PLA2G12A: variants seen among roughly 807,000 people sequenced by gnomAD.
The protein encoded by PLA2G12A is group XIIA secretory phospholipase A2.
In PLA2G12A, 11 loss-of-function variants were observed where a neutral mutation model predicts 16.0. The ratio of observed to expected loss-of-function variants is 0.69; its 90% CI spans 0.43 to 1.13. PLA2G12A has a LOEUF of 1.13. Among genes scored for constraint, PLA2G12A ranks in the 50% most tolerant of loss-of-function variants. PLA2G12A has a pLI of 0.00. For missense variants in PLA2G12A, 214 were observed against 237.3 expected (o/e 0.90, Z 0.65); for synonymous variants, 77 against 93.8 (o/e 0.82, Z 1.03).
rs1464598622 is a variant in PLA2G12A, at chr4:109,730,028, A to G, written c.-219T>C. 1.5e-5 allele frequency: 7 copies of G among 476,704 alleles called. No homozygotes were observed. Among genetic ancestry groups the G allele is most frequent in the Non-Finnish European group, 2.2e-5 (6 of 273,734 alleles). The allele number at this position is 476,704 out of a possible 1,614,324, so 29.5% of individuals were successfully genotyped here. A position where few individuals can be genotyped will look rare whatever the true frequency, so the allele number is the denominator to read the frequency against. On this transcript the variant is annotated 5_prime_UTR_variant, in exon 1 of 4. Coordinates refer to ENST00000243501, the MANE Select transcript of PLA2G12A (RefSeq NM_030821.5). ...CGCGGGGACGCGCCCGCTCACCTGG[A>G]CCAGCGCGCCCGCTCACCTGGGCCA...
Position 109,729,830 on chromosome 4 carries a change from C to G in PLA2G12A, c.-21G>C. 2 of 1,541,650 alleles carry G rather than the reference C, an allele frequency of 1.3e-6. No homozygotes were observed. Among genetic ancestry groups the G allele is most frequent in the Non-Finnish European group, 1.7e-6 (2 of 1,143,244 alleles). On this transcript the variant is annotated 5_prime_UTR_variant, in exon 1 of 4. Transcript: ENST00000243501. ...GCCATGCGCGCAGCGCCGGGCTCTA[C>G]GGGTCCCCGAGCCGCGGCGCGGGGC...
At chr4:109,720,616 T>A (rs1449425808) in intron 1 of PLA2G12A, among the ~76,000 whole-genome samples, 9 of 74,420 alleles carry the variant, frequency 1.2e-4, no homozygotes, top group East Asian at 4.2e-4. Context: ...TATATATATA[T>A]ATATATATAT....
chr4:109,719,844 G>A (rs999594662), intron 1 of PLA2G12A, among the ~76,000 whole-genome samples: 3 of 152,158 alleles, frequency 2.0e-5, no homozygotes, highest in Non-Finnish European at 4.4e-5. Flanking sequence ...TGGGAAATAT[G>A]GCACCGATAG....
chr4:109,717,517 A>G, intron 3 of PLA2G12A, 31 bp downstream of exon 3: 1 of 1,594,882 alleles, frequency 6.3e-7, no homozygotes, highest in South Asian at 1.1e-5. Context: ...TAAAAAGTAC[A>G]CTCATCCCCA....
chr4:109,719,497 G>A (rs1730884952), intron 1 of PLA2G12A, among the ~76,000 whole-genome samples: 1 of 152,148 alleles, frequency 6.6e-6, no homozygotes, highest in Non-Finnish European at 1.5e-5. Context: ...TTCCCCAGTA[G>A]CATCAAGGGT....
intron 3 of PLA2G12A, 45 bp from the exon 4 acceptor site, chr4:109,714,540 T>G (rs1453674159): frequency 1.6e-6 from 2 of 1,228,380 alleles, no homozygotes; most frequent in Non-Finnish European, 2.4e-6. Flanking sequence ...ACTGCATTGC[T>G]CTTTTCACCT....
chr4:109,720,829 G>A (rs1730927018), intron 1 of PLA2G12A, among the ~76,000 whole-genome samples: 1 of 151,780 alleles, frequency 6.6e-6, no homozygotes, highest in Non-Finnish European at 1.5e-5. Flanking sequence ...AGCACTTTGG[G>A]AGGCTGAGGC....
chr4:109,728,601 ACTT>A (rs1237239665), intron 1 of PLA2G12A, among the ~76,000 whole-genome samples: 1 of 152,218 alleles, frequency 6.6e-6, no homozygotes, highest in Admixed American at 6.5e-5. Context: ...TTCATCCTTT[ACTT>A]CTATTAACAT....
rs1163653650 is a variant in PLA2G12A at position 109,714,362 on chromosome 4, C to G, written c.*15G>C. On this transcript the variant is annotated 3_prime_UTR_variant, in exon 4 of 4. Coordinates refer to ENST00000243501, the MANE Select transcript of PLA2G12A (RefSeq NM_030821.5). ...TTCTTCCATCTTCATCTGTCACTAGCTGTCGGCATCTCCTTTAAAGATCAG... is the reference window on the plus strand; with the variant it reads ...TTCTTCCATCTTCATCTGTCACTAGGTGTCGGCATCTCCTTTAAAGATCAG... 37 of 1,493,810 alleles carry G rather than the reference C, an allele frequency of 2.5e-5. No individual in the cohort carries two copies. Among genetic ancestry groups the G allele is most frequent in the Non-Finnish European group, 3.4e-5 (36 of 1,070,592 alleles). 92.5% of individuals were successfully genotyped at this position (1,493,810 alleles called of 1,614,324 possible).
At chr4:109,717,355 C>T (rs1445667795) in intron 3 of PLA2G12A, among the ~76,000 whole-genome samples, 193 bp downstream of exon 3, 1 of 152,178 alleles carries the variant, frequency 6.6e-6, no homozygotes, top group African/African-American at 2.4e-5. Flanking sequence ...TTTCCTAATG[C>T]TTTTTGCTTC....
At chr4:109,728,111 G>A (rs1215168675) in intron 1 of PLA2G12A, among the ~76,000 whole-genome samples, 1 of 152,190 alleles carries the variant, frequency 6.6e-6, no homozygotes, top group African/African-American at 2.4e-5. Flanking sequence ...ACCACGTGCA[G>A]ATTTCTTCTC....
At chr4:109,726,842 G>A (rs1406609915) in intron 1 of PLA2G12A, among the ~76,000 whole-genome samples, 3 of 151,882 alleles carry the variant, frequency 2.0e-5, no homozygotes, top group African/African-American at 7.3e-5. Flanking sequence ...CCAAAACTAA[G>A]GGAGCAAGTC....
intron 2 of PLA2G12A, 61 bp downstream of exon 2, chr4:109,718,622 C>T: frequency 7.8e-7 from 1 of 1,281,028 alleles, no homozygotes; most frequent in African/African-American, 1.5e-5. Flanking sequence ...AGTCTTATAT[C>T]ACCAAAAGTA....
At position 109,717,568 on chromosome 4, in the gene PLA2G12A, C is replaced by A. The variant is rs1692262498; in HGVS notation, c.431G>T (p.Gly144Val). The change falls in exon 3 of 4, where the codon GGA becomes GTA. Residue 144 changes from glycine (G) to valine (V), a missense_variant. Transcript: ENST00000243501. The part of the protein sequence containing the change: ...KICRDVQKTL[G>V]LTQHVQACET... ...CTTACCCTGAACATGCTGAGTTAGT[C>A]CTAGTGTTTTCTGTACATCTCGGCA... 17 of 1,613,826 alleles carry A rather than the reference C, an allele frequency of 1.1e-5. No homozygotes were observed. The highest frequency in any genetic ancestry group is 1.4e-5 in the Non-Finnish European group (16 of 1,179,756).
At chr4:109,722,874 T>A (rs1188373372) in intron 1 of PLA2G12A, among the ~76,000 whole-genome samples, 1 of 152,260 alleles carries the variant, frequency 6.6e-6, no homozygotes, top group East Asian at 1.9e-4. Flanking sequence ...GAACAGTGCC[T>A]GGAATAACTT....
At chr4:109,729,478 G>GT in intron 1 of PLA2G12A, 124 bp downstream of exon 1, 1 of 1,094,008 alleles carries the variant, frequency 9.1e-7, no homozygotes. Flanking sequence ...CAGTGGTTAA[G>GT]TTTTTCCACA....
rs749372500 is a variant in PLA2G12A, at chr4:109,729,687, G to A, written c.123C>T (p.Gly41=). 18 of 1,611,424 alleles carry A rather than the reference G, an allele frequency of 1.1e-5. No individual in the cohort carries two copies. The highest frequency in any genetic ancestry group is 1.5e-5 in the Non-Finnish European group (18 of 1,179,622). The part of the protein sequence containing the change: ...WRATLKTIRN[G]VHKIDTYLNA... ...TCAGGTACGTGTCTATCTTATGAACGCCGTTCCGGATGGTCTTCAGGGTGG... is the reference window on the plus strand; with the variant it reads ...TCAGGTACGTGTCTATCTTATGAACACCGTTCCGGATGGTCTTCAGGGTGG... The change falls in exon 1 of 4, where the codon GGC becomes GGT. Residue 41 remains glycine (G), a synonymous_variant. Transcript: ENST00000243501.
rs571409156 is a variant in PLA2G12A, at chr4:109,710,129, T to G, written c.*4248A>C. ...AAAAACAGCAAACTAAAAATGCTAC[T>G]TCAAATATAGCAACAGTCACTACAT... On this transcript the variant is annotated 3_prime_UTR_variant, in exon 4 of 4. Coordinates refer to ENST00000243501, the MANE Select transcript of PLA2G12A (RefSeq NM_030821.5). 1 of 152,330 alleles carries G rather than the reference T, an allele frequency of 6.6e-6. No homozygotes were observed. The highest frequency in any genetic ancestry group is 2.4e-5 in the African/African-American group (1 of 41,572). The allele number at this position is 152,330 out of a possible 1,614,324, so 9.4% of individuals were successfully genotyped here.
intron 1 of PLA2G12A, among the ~76,000 whole-genome samples, chr4:109,720,843 T>C (rs1579124956): frequency 6.6e-6 from 1 of 151,136 alleles, no homozygotes; most frequent in African/African-American, 2.4e-5. Context: ...CTGAGGCAGG[T>C]GTATCACCTG....
Sources: gnomAD v4.1 joint callset for allele counts (sites outside exome capture counted in the v4.1 genomes callset) on GRCh38, gnomAD v4.1.1 for gene constraint, MANE v1.5 for transcripts, NCBI Gene and HGNC (gene_info 2026-07-23, HGNC 2026-07-21) for gene names.